The following IHO1 variants were observed in gnomAD, a reference collection of about 807,000 sequenced individuals.
The protein encoded by IHO1 is interactor of HORMAD1 protein 1.
In IHO1, 13 loss-of-function variants were observed where a neutral mutation model predicts 31.0. The observed-to-expected ratio is 0.42, with a 90% CI of 0.27 to 0.67. IHO1 has a LOEUF of 0.67. Ranked by LOEUF, IHO1 falls within the 30% of genes least tolerant of loss-of-function variation. The probability of loss-of-function intolerance (pLI) is 0.24; values close to 1 mark genes in which losing one functional copy is unlikely to be tolerated. For missense variants in IHO1, 599 were observed against 687.5 expected (o/e 0.87, Z 1.44); for synonymous variants, 221 against 248.4 (o/e 0.89, Z 1.04).
chr3:49,196,285 G>T (rs1032300308), upstream of IHO1, among the ~76,000 whole-genome samples: 6 of 149,870 alleles, frequency 4.0e-5, no homozygotes, highest in African/African-American at 9.8e-5. Flanking sequence ...GTATCAGGGA[G>T]GACCGAATGG....
chr3:49,237,606 A>G (rs2046575275), intron 3 of IHO1, among the ~76,000 whole-genome samples: 1 of 152,098 alleles, frequency 6.6e-6, no homozygotes, highest in Non-Finnish European at 1.5e-5. Flanking sequence ...GCAAATATAT[A>G]TACATATATA....
At chr3:49,224,724 T>TATA (rs1412517726) in intron 2 of IHO1, among the ~76,000 whole-genome samples, 1 of 152,170 alleles carries the variant, frequency 6.6e-6, no homozygotes, top group Non-Finnish European at 1.5e-5. Flanking sequence ...TAGGTTAAGG[T>TATA]CAGGATTAGC....
intron 6 of IHO1, among the ~76,000 whole-genome samples, chr3:49,246,105 C>G (rs2046690144): frequency 6.8e-6 from 1 of 148,128 alleles, no homozygotes; most frequent in Non-Finnish European, 1.5e-5. Context: ...CTGCTTGAAT[C>G]TGGGAGGCGG....
upstream of IHO1, among the ~76,000 whole-genome samples, chr3:49,196,817 C>T (rs1408148777): frequency 3.3e-5 from 5 of 151,538 alleles, no homozygotes; most frequent in African/African-American, 1.2e-4. Context: ...ACTACAGGCG[C>T]CCACCACCAC....
Position 49,257,463 on chromosome 3 carries a change from T to C in IHO1, c.*181T>C. The stretch of plus-strand genomic sequence containing the variant: ...CATTCTGGGTACCAGGTGCTGCCCC[T>C]GACAAGGATTAAGTGCATCCTTATT... On this transcript the variant is annotated 3_prime_UTR_variant, in exon 8 of 8. Coordinates refer to ENST00000452691, the MANE Select transcript of IHO1 (RefSeq NM_001135197.2). 1 of 625,392 alleles carries C rather than the reference T, an allele frequency of 1.6e-6. No homozygotes were observed. The highest frequency in any genetic ancestry group is 2.8e-6 in the Non-Finnish European group (1 of 354,200). The allele number at this position is 625,392 out of a possible 1,614,324, so 38.7% of individuals were successfully genotyped here.
chr3:49,253,403 G>T (rs1252358780), intron 6 of IHO1, among the ~76,000 whole-genome samples: 1 of 152,068 alleles, frequency 6.6e-6, no homozygotes. Context: ...CCAGCTAGGC[G>T]ACAGAATGAG....
chr3:49,255,017 C>T (rs2046806458), intron 6 of IHO1, among the ~76,000 whole-genome samples: 1 of 151,276 alleles, frequency 6.6e-6, no homozygotes, highest in African/African-American at 2.4e-5. Context: ...GAACCAAGAT[C>T]GCATCACTGC....
intron 2 of IHO1, among the ~76,000 whole-genome samples, chr3:49,216,477 C>T (rs1405199368): frequency 2.6e-5 from 4 of 151,956 alleles, no homozygotes; most frequent in Non-Finnish European, 5.9e-5. Context: ...TCCTGTAATC[C>T]CAGCTACCCG....
At chr3:49,228,443 GC>G (rs1371259838) in intron 2 of IHO1, 1 of 372,714 alleles carries the variant, frequency 2.7e-6, no homozygotes, top group Non-Finnish European at 5.4e-6. Context: ...CCGGTATTTA[GC>G]CCCTGAATTC....
At chr3:49,240,420 C>T (rs536305496) in intron 3 of IHO1, among the ~76,000 whole-genome samples, 5 of 152,264 alleles carry the variant, frequency 3.3e-5, no homozygotes, top group East Asian at 1.9e-4. Context: ...GACAGGGTTT[C>T]GCCAAGTTGA....
At chr3:49,208,546 C>T (rs1483405183) in intron 1 of IHO1, among the ~76,000 whole-genome samples, 2 of 152,184 alleles carry the variant, frequency 1.3e-5, no homozygotes, top group Non-Finnish European at 2.9e-5. Context: ...TTCCACAAAA[C>T]TTGTCCCTGG....
At chr3:49,249,902 C>T (rs749525232) in intron 6 of IHO1, among the ~76,000 whole-genome samples, 43 of 152,088 alleles carry the variant, frequency 2.8e-4, no homozygotes, top group Admixed American at 2.6e-3. Flanking sequence ...ACTGGCCATC[C>T]GGGGAAAAGC....
intron 6 of IHO1, among the ~76,000 whole-genome samples, chr3:49,246,020 A>G (rs2046688989): frequency 2.0e-5 from 3 of 151,554 alleles, no homozygotes; most frequent in Admixed American, 6.6e-5. Context: ...CATCTCTACT[A>G]AAAATACAAA....
In IHO1 at chr3:49,257,000, T is replaced by A. The variant is rs768030060; in HGVS notation, c.1503T>A (p.His501Gln). The change falls in exon 8 of 8, where the codon CAT (histidine) becomes CAA (glutamine). Residue 501 changes from histidine (H) to glutamine (Q), a missense_variant. Transcript: ENST00000452691. The surrounding 1 kb of genome is among the most constrained non-coding windows in gnomAD (Gnocchi z 4.6). Reference protein sequence around the residue: ...GQQEPRAQPLHLQCPRSPRKP... With the variant: ...GQQEPRAQPLQLQCPRSPRKP... Reference sequence around the variant, plus strand: ...AGGAACCCCGTGCTCAGCCTCTGCATCTGCAGTGTCCCAGGAGCCCCAGAA... The same window carrying A: ...AGGAACCCCGTGCTCAGCCTCTGCAACTGCAGTGTCCCAGGAGCCCCAGAA... 4.3e-6 allele frequency: 7 copies of A among 1,614,212 alleles called. No individual in the cohort carries two copies. The highest frequency in any genetic ancestry group is 1.6e-4 in the Middle Eastern group (1 of 6,062).
intron 2 of IHO1, among the ~76,000 whole-genome samples, chr3:49,233,373 A>G (rs2046507032): frequency 6.6e-6 from 1 of 152,242 alleles, no homozygotes. Context: ...AAAAGCATCT[A>G]GAAGGACACT....
intron 2 of IHO1, among the ~76,000 whole-genome samples, chr3:49,214,454 T>A (rs1268110837): frequency 1.3e-5 from 2 of 150,946 alleles, no homozygotes; most frequent in Non-Finnish European, 2.9e-5. Flanking sequence ...GCTTATTATA[T>A]GCTCTTATCA....
chr3:49,251,515 C>A (rs1056100987), intron 6 of IHO1, among the ~76,000 whole-genome samples: 1 of 151,306 alleles, frequency 6.6e-6, no homozygotes, highest in East Asian at 1.9e-4. Context: ...GATCTCCAGA[C>A]CTTGTGATCC....
chr3:49,236,081 A>G (rs1052059250), intron 2 of IHO1, among the ~76,000 whole-genome samples: 1 of 152,134 alleles, frequency 6.6e-6, no homozygotes, highest in Non-Finnish European at 1.5e-5. Flanking sequence ...TCTCAACTAT[A>G]AATACAAAAA....
At chr3:49,222,511 A>T (rs1246656564) in intron 2 of IHO1, among the ~76,000 whole-genome samples, 1 of 152,162 alleles carries the variant, frequency 6.6e-6, no homozygotes, top group Non-Finnish European at 1.5e-5. Context: ...GGAAGATAGA[A>T]AAAAGGTTGA....
Sources: allele counts gnomAD v4.1 joint callset (sites outside exome capture counted in the v4.1 genomes callset), GRCh38; gene constraint gnomAD v4.1.1; non-coding constraint Gnocchi (gnomAD v3.1); transcripts MANE v1.5; gene names NCBI Gene and HGNC (gene_info 2026-07-23, HGNC 2026-07-21).